Variants in RP9 observed in about 807,000 individuals in gnomAD.
RP9 encodes the protein retinitis pigmentosa 9 protein.
A neutral mutation model predicts 32.6 loss-of-function variants in RP9; 23 were observed. The observed-to-expected ratio is 0.71, with a 90% CI of 0.51 to 1.00. The LOEUF (loss-of-function observed/expected upper bound fraction) is 1.00, where lower values mean the gene tolerates loss of function less well. Among genes scored for constraint, RP9 ranks in the 50% least tolerant of loss-of-function variants. The pLI, the probability that RP9 is intolerant of heterozygous loss-of-function variation, is 0.00. For missense variants in RP9, 245 were observed against 285.3 expected (o/e 0.86, Z 1.02); for synonymous variants, 94 against 103.6 (o/e 0.91, Z 0.56).
chr7:33,109,104 C>A lies in RP9; in HGVS notation c.152+117G>T, dbSNP rs993879133. 2.7e-5 allele frequency: 37 copies of A among 1,376,550 alleles called. 1 individual carries two copies. In the South Asian group the frequency reaches 5.5e-4, roughly 20 times the overall value. The allele number at this position is 1,376,550 out of a possible 1,614,324, so 85.3% of individuals were successfully genotyped here. On this transcript the variant is annotated intron_variant, in intron 1 of 5. Transcript: ENST00000297157. This position sits in a 1 kb window ranked among gnomAD's most constrained non-coding sequence, Gnocchi z 4.9. Reference sequence around the variant, plus strand: ...CACCAGGCTCCTGCCGGGCCCAGCCCCCCTGCCTGCTCGCGGGGGCTCGGA... The same window carrying A: ...CACCAGGCTCCTGCCGGGCCCAGCCACCCTGCCTGCTCGCGGGGGCTCGGA...
At chr7:33,100,494 C>T (rs1422207797) in intron 2 of RP9, 37 bp downstream of exon 2, 3 of 1,566,638 alleles carry the variant, frequency 1.9e-6, no homozygotes, top group South Asian at 1.1e-5. Context: ...ACAAGTATGT[C>T]TTGTGGAATA....
At chr7:33,106,805 A>G (rs146923266) in intron 1 of RP9, among the ~76,000 whole-genome samples, 4,006 of 152,210 alleles carry the variant, frequency 0.026, 78 homozygotes, top group South Asian at 0.044. Flanking sequence ...TTAGCTGGGC[A>G]TGGTGATGCA....
chr7:33,097,786 AT>A (rs1788361898), intron 3 of RP9, among the ~76,000 whole-genome samples: 1 of 151,934 alleles, frequency 6.6e-6, no homozygotes, highest in South Asian at 2.1e-4. Flanking sequence ...CACCCAGCTA[AT>A]TTTTGTATTT....
intron 1 of RP9, among the ~76,000 whole-genome samples, chr7:33,107,323 T>C (rs894900192): frequency 1.1e-4 from 16 of 152,238 alleles, no homozygotes; most frequent in Admixed American, 9.8e-4. Context: ...ACTTAACCAC[T>C]GTTCCTCCAT....
chr7:33,097,188 T>G (rs918881932), intron 4 of RP9, 83 bp downstream of exon 4: 1 of 1,040,446 alleles, frequency 9.6e-7, no homozygotes, highest in Non-Finnish European at 1.5e-6. Flanking sequence ...TATGTGACCA[T>G]TCAAGTTCAC....
chr7:33,098,476 A>G (rs1788375262), intron 3 of RP9, among the ~76,000 whole-genome samples: 1 of 152,186 alleles, frequency 6.6e-6, no homozygotes, highest in Non-Finnish European at 1.5e-5. Context: ...GTAGGTCTGA[A>G]GGAAGCTGCT....
In RP9 at chr7:33,097,309, A is replaced by G; in HGVS notation, c.367T>C (p.Phe123Leu). 6.2e-7 allele frequency: 1 copy of G among 1,614,124 alleles called. No homozygotes were observed. The highest frequency in any genetic ancestry group is 8.5e-7 in the Non-Finnish European group (1 of 1,179,970). Residue 123 changes from phenylalanine to leucine, a missense_variant, in exon 4 of 6, where the codon TTT (phenylalanine) becomes CTT (leucine). By Grantham distance (22) the Phe-to-Leu change is conservative (BLOSUM62 0). Around this residue, in one of 2 missense-constraint regions of RP9, gnomAD observed 182 missense variants for 175.5 expected, o/e 1.04. Coordinates refer to ENST00000297157, the MANE Select transcript of RP9 (RefSeq NM_203288.2). ...TCTAACTTTTGGTTGCCTTTGATAA[A>G]GAAAGGGCATTCTTTGTCACCCGTT... ...HRTGDKECPF[F>L]IKGNQKLEQF...
chr7:33,106,220 T>A (rs954054744), intron 1 of RP9, among the ~76,000 whole-genome samples: 4 of 152,006 alleles, frequency 2.6e-5, no homozygotes, highest in African/African-American at 9.7e-5. Context: ...CAGGCTGGAG[T>A]CCTGGAGTGC....
At chr7:33,099,561 T>A in intron 2 of RP9, 125 bp from the exon 3 acceptor site, 5 of 984,760 alleles carry the variant, frequency 5.1e-6, no homozygotes, top group South Asian at 2.7e-5. Flanking sequence ...TAGTTACCCC[T>A]CAAAACTAGA....
rs1287206677 is a variant in RP9, at chr7:33,109,256, C to G, written c.117G>C (p.Ala39=). ...GGTGCTTGAGCTGCTGCAGCTGCTG[C>G]GCGTCGTGTCGCCGCCGCTTCTGCT... ...RREQKRRRHD[A]QQLQQLKHLE... The change falls in exon 1 of 6, where the codon GCG becomes GCC. Residue 39 remains alanine, a synonymous_variant. Coordinates refer to ENST00000297157, the MANE Select transcript of RP9 (RefSeq NM_203288.2). The surrounding 1 kb of genome is among the most constrained non-coding windows in gnomAD (Gnocchi z 4.9). 2 of 1,494,416 alleles carry G rather than the reference C, an allele frequency of 1.3e-6. No individual in the cohort carries two copies. The highest frequency in any genetic ancestry group is 1.8e-6 in the Non-Finnish European group (2 of 1,125,356). 92.6% of individuals were successfully genotyped at this position (1,494,416 alleles called of 1,614,324 possible). A position where few individuals can be genotyped will look rare whatever the true frequency, so the allele number is the denominator to read the frequency against.
At chr7:33,095,481 A>G (rs1788317627) in intron 5 of RP9, 49 bp from the exon 6 acceptor site, 1 of 1,609,490 alleles carries the variant, frequency 6.2e-7, no homozygotes, top group Non-Finnish European at 8.5e-7. Flanking sequence ...GCTTTAACTT[A>G]CAACAGTTGC....
chr7:33,098,786 C>T (rs1313861127), intron 3 of RP9, among the ~76,000 whole-genome samples: 1 of 152,138 alleles, frequency 6.6e-6, no homozygotes, highest in Non-Finnish European at 1.5e-5. Context: ...AAAGACGATT[C>T]CAGAAAAGTA....
rs1416754472 is a variant in RP9, at chr7:33,096,544, T to C, written c.416A>G (p.Asp139Gly). The C allele has an allele frequency of 1.9e-6, 3 of 1,611,828 alleles. No individual in the cohort carries two copies. The highest frequency in any genetic ancestry group is 2.5e-6 in the Non-Finnish European group (3 of 1,178,018). Residue 139 changes from aspartate to glycine, a missense_variant, in exon 5 of 6, where the codon GAT becomes GGT. Physicochemically the swap from Asp to Gly is moderately conservative, Grantham distance 94 (BLOSUM62 -1). Coordinates refer to ENST00000297157, the MANE Select transcript of RP9 (RefSeq NM_203288.2). ...GTCTCGTATGATGTCATACATGGGA[T>C]CTTCATGTGCCTTAAGGGTCAGAGA... ...KLEQFRVAHEDPMYDIIRDNK... is the reference protein window; with the variant it reads ...KLEQFRVAHEGPMYDIIRDNK...
chr7:33,096,674 A>G, intron 4 of RP9, 120 bp from the exon 5 acceptor site: 1 of 757,176 alleles, frequency 1.3e-6, no homozygotes, highest in Non-Finnish European at 2.4e-6. Flanking sequence ...ATGTAGCTGC[A>G]TGTTCAACAT....
intron 1 of RP9, among the ~76,000 whole-genome samples, chr7:33,105,028 G>A (rs530857503): frequency 2.0e-5 from 3 of 152,264 alleles, no homozygotes; most frequent in Non-Finnish European, 4.4e-5. Context: ...ATTGGCTTTG[G>A]TAAAATGTGA....
rs1043646977 is a variant in RP9 at position 33,109,086 on chromosome 7, C to A, written c.152+135G>T. The A allele has an allele frequency of 1.5e-6, 2 of 1,292,768 alleles. No individual in the cohort carries two copies. Among genetic ancestry groups the A allele is most frequent in the Non-Finnish European group, 2.0e-6 (2 of 1,013,848 alleles). The allele number at this position is 1,292,768 out of a possible 1,614,324, so 80.1% of individuals were successfully genotyped here. ...CCCGACATCGGTCGCCCGCACCAGG[C>A]TCCTGCCGGGCCCAGCCCCCCTGCC... On this transcript the variant is annotated intron_variant, in intron 1 of 5. Transcript: ENST00000297157. This position sits in a 1 kb window ranked among gnomAD's most constrained non-coding sequence, Gnocchi z 4.9.
chr7:33,108,917 C>T (rs1300388393), intron 1 of RP9, among the ~76,000 whole-genome samples: 1 of 152,222 alleles, frequency 6.6e-6, no homozygotes, highest in African/African-American at 2.4e-5. Flanking sequence ...ACCACACTCT[C>T]CCGGGTCATT....
Position 33,100,740 on chromosome 7 carries a change from T to A in RP9, c.153-179A>T, listed in dbSNP as rs1196790796. 8 of 708,482 alleles carry A rather than the reference T, an allele frequency of 1.1e-5. No individual in the cohort carries two copies. In the African/African-American group the frequency reaches 1.4e-4, roughly 12 times the overall value. The allele number at this position is 708,482 out of a possible 1,614,324, so 43.9% of individuals were successfully genotyped here. ...AGCAGAATGCTTCTCCTCCCTGTGC[T>A]GAGCGGCACCTGCCATCTAAGACTG... On this transcript the variant is annotated intron_variant, in intron 1 of 5. Transcript: ENST00000297157.
At position 33,109,343 on chromosome 7, in the gene RP9, C is replaced by G; in HGVS notation, c.30G>C (p.Val10=). Residue 10 remains valine, a synonymous_variant, in exon 1 of 6, where the codon GTG becomes GTC. Transcript: ENST00000297157. The surrounding 1 kb of genome is among the most constrained non-coding windows in gnomAD (Gnocchi z 4.9). ...GCGGCCGCCGCGCGCCCGCAGCCCC[C>G]ACGTCCTCGCGCCCAGGCCGGGACG... is the stretch of plus-strand genomic sequence containing the variant. The part of the protein sequence containing the change: MSSRPGRED[V]GAAGARRPRE... The G allele has an allele frequency of 1.4e-6, 2 of 1,445,902 alleles. No individual in the cohort carries two copies. Among genetic ancestry groups the G allele is most frequent in the Admixed American group, 2.5e-5 (1 of 40,110 alleles). The allele number at this position is 1,445,902 out of a possible 1,614,324, so 89.6% of individuals were successfully genotyped here. A position where few individuals can be genotyped will look rare whatever the true frequency, so the allele number is the denominator to read the frequency against.
Sources: allele counts gnomAD v4.1 joint callset (sites outside exome capture counted in the v4.1 genomes callset), GRCh38; gene constraint gnomAD v4.1.1; regional missense constraint gnomAD v4.1.1; non-coding constraint Gnocchi (gnomAD v3.1); transcripts MANE v1.5; gene names NCBI Gene and HGNC (gene_info 2026-07-23, HGNC 2026-07-21).